FBN2: variants seen among roughly 807,000 people sequenced by gnomAD.
FBN2 encodes the protein fibrillin 2.
FBN2 carries 105 observed loss-of-function variants against 355.6 expected under a neutral mutation model. The observed-to-expected ratio is 0.30, with a 90% confidence interval of 0.25 to 0.35. The LOEUF is 0.35. Ranked by LOEUF, FBN2 falls within the 10% of genes least tolerant of loss-of-function variation. FBN2 has a pLI of 1.00. For synonymous variants in FBN2, 1,350 were observed against 1,301.2 expected (o/e 1.04, Z -0.81); for missense variants, 3,280 against 3,758.7 (o/e 0.87, Z 3.33).
At chr5:128,449,465 A>C (rs1020495419) in intron 6 of FBN2, among the ~76,000 whole-genome samples, 3 of 144,576 alleles carry the variant, frequency 2.1e-5, no homozygotes, top group Non-Finnish European at 4.5e-5. Context: ...ATATAATAGT[A>C]TACTATTAAA....
Position 128,361,798 on chromosome 5 carries a change from G to A in FBN2, c.2479C>T (p.Arg827Ter), listed in dbSNP as rs574985859. ...CAGCTGTAACTTCCTGGCGTGTTTC[G>A]GCACAATCCGTTATCACAAAGCAGT... is the stretch of plus-strand genomic sequence containing the variant. Reference protein sequence around the residue: ...NRLLCDNGLCRNTPGSYSCTC... With the variant: ...NRLLCDNGLC The change falls in exon 19 of 65, where the codon CGA (arginine) becomes TGA (stop). Residue 827 changes from arginine to a stop codon, truncating the protein, a stop_gained. Coordinates refer to ENST00000262464, the MANE Select transcript of FBN2 (RefSeq NM_001999.4). LOFTEE classifies it high-confidence loss of function. 2 of 1,613,980 alleles carry A rather than the reference G, an allele frequency of 1.2e-6. No homozygotes were observed. Among genetic ancestry groups the A allele is most frequent in the Non-Finnish European group, 1.7e-6 (2 of 1,179,948 alleles).
intron 15 of FBN2, among the ~76,000 whole-genome samples, chr5:128,373,798 G>A (rs952772103): frequency 2.6e-5 from 4 of 152,114 alleles, no homozygotes; most frequent in African/African-American, 9.7e-5. Flanking sequence ...TGGTACTTCT[G>A]ATTGATTTTC....
intron 5 of FBN2, among the ~76,000 whole-genome samples, chr5:128,469,879 CAT>C (rs1754809855): frequency 6.6e-6 from 1 of 152,146 alleles, no homozygotes; most frequent in African/African-American, 2.4e-5. Context: ...CATTTTTCAA[CAT>C]GTTACACTGA....
At chr5:128,314,281 C>T (rs1750140615) in intron 36 of FBN2, among the ~76,000 whole-genome samples, 1 of 152,120 alleles carries the variant, frequency 6.6e-6, no homozygotes, top group Non-Finnish European at 1.5e-5. Context: ...TCAGAGGCTG[C>T]AAGATTCTCA....
In FBN2 at chr5:128,527,910, T is replaced by A. The variant is rs975087237; in HGVS notation, c.494A>T (p.Gln165Leu). ...NGGTCADDHC[Q>L]CQKGYIGTYC... ...AGTTCCAATATATCCTTTCTGGCAC[T>A]GGCAGTGGTCATCTGCACAGGTCCC... Residue 165 changes from glutamine (Q) to leucine (L), a missense_variant, in exon 4 of 65, where the codon CAG becomes CTG. Transcript: ENST00000262464. 1 of 1,612,594 alleles carries A rather than the reference T, an allele frequency of 6.2e-7. No individual in the cohort carries two copies. The highest frequency in any genetic ancestry group is 1.1e-5 in the South Asian group (1 of 91,054).
chr5:128,513,071 C>T (rs1756174944), intron 5 of FBN2, among the ~76,000 whole-genome samples: 1 of 152,168 alleles, frequency 6.6e-6, no homozygotes, highest in South Asian at 2.1e-4. Context: ...ACAAGTAACA[C>T]TTAGTGGAAG....
At chr5:128,527,226 T>C (rs922457791) in intron 4 of FBN2, among the ~76,000 whole-genome samples, 2 of 152,186 alleles carry the variant, frequency 1.3e-5, no homozygotes, top group Admixed American at 6.6e-5. Flanking sequence ...TCCACAGTGA[T>C]GTGTCACAAT....
intron 61 of FBN2, among the ~76,000 whole-genome samples, chr5:128,273,240 T>C (rs1016519568): frequency 6.6e-6 from 1 of 152,182 alleles, no homozygotes; most frequent in African/African-American, 2.4e-5. Flanking sequence ...AGTGAAGAAC[T>C]AGATGAAATT....
chr5:128,261,602 C>T lies in FBN2; in HGVS notation c.8364+134G>A. 2.5e-6 allele frequency: 2 copies of T among 798,152 alleles called. 1 individual carries two copies. The highest frequency in any genetic ancestry group is 2.7e-5 in the South Asian group (2 of 72,952). 49.4% of individuals were successfully genotyped at this position (798,152 alleles called of 1,614,324 possible). On this transcript the variant is annotated intron_variant, in intron 64 of 64. Transcript: ENST00000262464. Reference sequence around the variant, plus strand: ...CTTTAATTTACTTGTCTTTTCCATACTGGGTCCATTAATTTATCCATTAAA... The same window carrying T: ...CTTTAATTTACTTGTCTTTTCCATATTGGGTCCATTAATTTATCCATTAAA...
At chr5:128,491,863 G>T (rs1237389454) in intron 5 of FBN2, among the ~76,000 whole-genome samples, 1 of 152,110 alleles carries the variant, frequency 6.6e-6, no homozygotes, top group Non-Finnish European at 1.5e-5. Context: ...ATTAATGAAA[G>T]ACCTTTAAAA....
At chr5:128,460,823 G>A (rs184571022) in intron 6 of FBN2, among the ~76,000 whole-genome samples, 5 of 152,206 alleles carry the variant, frequency 3.3e-5, no homozygotes, top group African/African-American at 1.2e-4. Flanking sequence ...AATTGAAACT[G>A]GACCCCTTCC....
intron 7 of FBN2, among the ~76,000 whole-genome samples, chr5:128,420,642 A>C (rs1301428288): frequency 6.6e-6 from 1 of 152,262 alleles, no homozygotes; most frequent in African/African-American, 2.4e-5. Context: ...AATGGCCATA[A>C]ATGGGTATAT....
At chr5:128,350,148 C>T (rs931281283) in intron 21 of FBN2, 143 bp from the exon 22 acceptor site, 55 of 719,408 alleles carry the variant, frequency 7.6e-5, no homozygotes, top group South Asian at 2.3e-4. Context: ...CATCATTGTC[C>T]CCTCTTCATT....
intron 19 of FBN2, among the ~76,000 whole-genome samples, chr5:128,358,896 C>T (rs1027518417): frequency 4.0e-5 from 6 of 151,894 alleles, no homozygotes; most frequent in Non-Finnish European, 5.9e-5. Flanking sequence ...TAAACATATG[C>T]GCTGACAACT....
At chr5:128,474,927 T>C (rs1286618305) in intron 5 of FBN2, among the ~76,000 whole-genome samples, 3 of 152,154 alleles carry the variant, frequency 2.0e-5, no homozygotes, top group Admixed American at 1.3e-4. Flanking sequence ...CATTAGACCG[T>C]AGGACATTCT....
intron 19 of FBN2, among the ~76,000 whole-genome samples, chr5:128,360,541 G>T (rs1751612489): frequency 1.3e-5 from 2 of 152,014 alleles, no homozygotes; most frequent in South Asian, 4.1e-4. Context: ...TAGAAAAAGG[G>T]GATTTTATGC....
intron 7 of FBN2, among the ~76,000 whole-genome samples, chr5:128,421,490 T>C (rs1356341375): frequency 1.3e-5 from 2 of 152,156 alleles, no homozygotes; most frequent in Non-Finnish European, 2.9e-5. Context: ...AAATATATTC[T>C]GGGAAAATTA....
Position 128,530,891 on chromosome 5 carries a change from C to A in FBN2, c.338-198G>T, listed in dbSNP as rs536065396. Among the ~76,000 whole-genome samples, 512 of 152,174 alleles carry A rather than the reference C, an allele frequency of 3.4e-3. 5 individuals carry two copies. The highest frequency in any genetic ancestry group is 6.2e-3 in the Non-Finnish European group (424 of 68,004). ...AGTCTCACAGGTATCCTTATGAAAA[C>A]GTGTAAACAAATGAAGCTGTTTCAA... is the stretch of plus-strand genomic sequence containing the variant. On this transcript the variant is annotated intron_variant, in intron 2 of 64. Transcript: ENST00000262464.
chr5:128,437,361 T>C (rs35953794), intron 7 of FBN2, among the ~76,000 whole-genome samples: 2,069 of 152,344 alleles, frequency 0.014, 19 homozygotes, highest in Non-Finnish European at 0.022. Flanking sequence ...CATTATAATA[T>C]GAAGTGAAAA....
Sources: gnomAD v4.1 joint callset for allele counts (sites outside exome capture counted in the v4.1 genomes callset) on GRCh38, gnomAD v4.1.1 for gene constraint, MANE v1.5 for transcripts, NCBI Gene and HGNC (gene_info 2026-07-23, HGNC 2026-07-21) for gene names.